FNDC1: variants seen among roughly 807,000 people sequenced by gnomAD.
FNDC1 encodes the protein fibronectin type III domain containing 1.
FNDC1 carries 96 observed loss-of-function variants against 168.0 expected under a neutral mutation model. The observed-to-expected ratio is 0.57, with a 90% CI of 0.48 to 0.68. FNDC1 has a LOEUF of 0.68. Ranked by LOEUF, FNDC1 falls within the 30% of genes least tolerant of loss-of-function variation. The probability of loss-of-function intolerance (pLI) is 0.00; values close to 1 mark genes in which losing one functional copy is unlikely to be tolerated. For missense variants in FNDC1, 2,587 were observed against 2,482.1 expected, an observed-to-expected ratio of 1.04 and a Z score of -0.90; for synonymous variants, 1,099 against 1,025.9, an observed-to-expected ratio of 1.07 and a Z score of -1.36.
At chr6:159,197,410 A>T (rs1189053468) in intron 1 of FNDC1, 21 bp from the exon 2 acceptor site, 1 of 1,581,040 alleles carries the variant, frequency 6.3e-7, no homozygotes, top group Non-Finnish European at 8.6e-7. Context: ...CCATGAGTTG[A>T]TAGTTGCGCT....
intron 4 of FNDC1, among the ~76,000 whole-genome samples, chr6:159,206,208 A>G (rs1308858549): frequency 2.0e-5 from 3 of 152,268 alleles, no homozygotes; most frequent in African/African-American, 4.8e-5. Flanking sequence ...CTTAACATGT[A>G]CCCCAATTCA....
At position 159,197,573 on chromosome 6, in the gene FNDC1, T is replaced by G. The variant is rs747245373; in HGVS notation, c.252T>G (p.Leu84=). Residue 84 remains leucine (L), a synonymous_variant, in exon 2 of 23, where the codon CTT becomes CTG. Coordinates refer to ENST00000297267, the MANE Select transcript of FNDC1 (RefSeq NM_032532.3). ...CCTATGGGAAGTCACTGAAAAGTCT[T>G]AAATACATCAAGGTGAATGCGGAGA... ...NIAYGKSLKS[L]KYIKVNAETY... 1 of 1,613,910 alleles carries G rather than the reference T, an allele frequency of 6.2e-7. No homozygotes were observed. Among genetic ancestry groups the G allele is most frequent in the Non-Finnish European group, 8.5e-7 (1 of 1,179,872 alleles).
chr6:159,222,984 ATTTTTTT>A (rs201310702), intron 6 of FNDC1, among the ~76,000 whole-genome samples: 41 of 116,868 alleles, frequency 3.5e-4, no homozygotes, highest in African/African-American at 9.3e-4. Flanking sequence ...TGAAATACTC[ATTTTTTT>A]TTTTTTTTTT....
At chr6:159,176,196 A>C (rs973074261) in intron 1 of FNDC1, among the ~76,000 whole-genome samples, 1 of 152,212 alleles carries the variant, frequency 6.6e-6, no homozygotes, top group Non-Finnish European at 1.5e-5. Flanking sequence ...TCAGCAAAGC[A>C]AGGGGATTGA....
At position 159,169,620 on chromosome 6, in the gene FNDC1, C is replaced by G. The variant is rs1037381998; in HGVS notation, c.24C>G (p.Thr8=). Residue 8 remains threonine (T), a synonymous_variant, in exon 1 of 23, where the codon ACC becomes ACG. Coordinates refer to ENST00000297267, the MANE Select transcript of FNDC1 (RefSeq NM_032532.3). The surrounding 1 kb of genome is among the most constrained non-coding windows in gnomAD (Gnocchi z 6.8). ...CGATGGCCCCCGAGGCCGGGGCGAC[C>G]CTGCGCGCGCCGCGCCGGCTGTCCT... MAPEAGA[T]LRAPRRLSWA... 2 of 1,135,600 alleles carry G rather than the reference C, an allele frequency of 1.8e-6. No individual in the cohort carries two copies. Among genetic ancestry groups the G allele is most frequent in the South Asian group, 4.0e-5 (1 of 24,964 alleles). 70.3% of individuals were successfully genotyped at this position (1,135,600 alleles called of 1,614,324 possible). A position where few individuals can be genotyped will look rare whatever the true frequency, so the allele number is the denominator to read the frequency against.
intron 19 of FNDC1, among the ~76,000 whole-genome samples, chr6:159,263,799 T>TA (rs1305693405): frequency 6.7e-6 from 1 of 149,700 alleles, no homozygotes; most frequent in Non-Finnish European, 1.5e-5. Flanking sequence ...AAATAAAAAA[T>TA]AAAAAATTAG....
intron 17 of FNDC1, among the ~76,000 whole-genome samples, chr6:159,255,557 A>T (rs2115020069): frequency 6.6e-6 from 1 of 152,324 alleles, no homozygotes; most frequent in South Asian, 2.1e-4. Flanking sequence ...CACTTAGTAT[A>T]ATGTCTGGCA....
At chr6:159,266,387 AT>A in intron 21 of FNDC1, 142 bp downstream of exon 21, 1 of 854,926 alleles carries the variant, frequency 1.2e-6, no homozygotes, top group Non-Finnish European at 1.8e-6. Context: ...ATACAAACCA[AT>A]TTTACAGATT....
At position 159,266,150 on chromosome 6, in the gene FNDC1, G is replaced by A. The variant is rs747207185; in HGVS notation, c.5351G>A (p.Arg1784Gln). Reference protein sequence around the residue: ...HDPSYTDCHGRQYVKRTWYRK... With the variant: ...HDPSYTDCHGQQYVKRTWYRK... ...CCCAGCTACACGGACTGCCATGGAC[G>A]GCAATATGTGAAGCGCACGTGGTAT... Residue 1784 changes from arginine (R) to glutamine (Q), a missense_variant, in exon 21 of 23, where the codon CGG becomes CAG. Physicochemically the swap from Arg to Gln is conservative, Grantham distance 43. Transcript: ENST00000297267. 6 of 1,613,966 alleles carry A rather than the reference G, an allele frequency of 3.7e-6. No individual in the cohort carries two copies. The highest frequency in any genetic ancestry group is 3.4e-6 in the Non-Finnish European group (4 of 1,179,876).
At chr6:159,250,765 C>T (rs1455618564) in intron 16 of FNDC1, among the ~76,000 whole-genome samples, 1 of 152,186 alleles carries the variant, frequency 6.6e-6, no homozygotes, top group Non-Finnish European at 1.5e-5. Context: ...ATGTTGTAGA[C>T]AGTAGTTCAG....
intron 12 of FNDC1, among the ~76,000 whole-genome samples, chr6:159,237,444 C>T (rs1346207432): frequency 6.6e-6 from 1 of 152,144 alleles, no homozygotes; most frequent in African/African-American, 2.4e-5. Flanking sequence ...TTGAGAACCA[C>T]CAGCAAAGAG....
At chr6:159,197,891 A>G (rs563696060) in intron 2 of FNDC1, among the ~76,000 whole-genome samples, 2 of 152,276 alleles carry the variant, frequency 1.3e-5, no homozygotes, top group South Asian at 4.1e-4. Context: ...TTAGTTTCTG[A>G]ATGTGTTTTC....
chr6:159,267,986 G>C (rs1471490417), intron 22 of FNDC1, 60 bp downstream of exon 22: 4 of 1,553,624 alleles, frequency 2.6e-6, no homozygotes, highest in Non-Finnish European at 3.5e-6. Flanking sequence ...GATTAATAGA[G>C]GGGGAAAATC....
At chr6:159,218,869 C>A (rs964193041) in intron 5 of FNDC1, among the ~76,000 whole-genome samples, 3 of 151,990 alleles carry the variant, frequency 2.0e-5, no homozygotes, top group African/African-American at 4.8e-5. Context: ...TGAGAGGGAG[C>A]AAGGGACTTC....
chr6:159,236,448 CT>C, intron 12 of FNDC1, 133 bp downstream of exon 12: 1 of 640,102 alleles, frequency 1.6e-6, no homozygotes, highest in South Asian at 2.1e-5. Context: ...CTTATATGTA[CT>C]TGTATAGAGT....
intron 1 of FNDC1, among the ~76,000 whole-genome samples, chr6:159,184,746 T>C (rs751562324): frequency 6.6e-6 from 1 of 152,208 alleles, no homozygotes; most frequent in Non-Finnish European, 1.5e-5. Flanking sequence ...GAGTGGTTTT[T>C]GGTCTGGCAT....
chr6:159,242,642 T>C (rs1236377824), intron 14 of FNDC1, among the ~76,000 whole-genome samples: 2 of 152,206 alleles, frequency 1.3e-5, no homozygotes, highest in African/African-American at 4.8e-5. Flanking sequence ...TTAGATTCCA[T>C]AATATTTTCA....
At position 159,268,634 on chromosome 6, in the gene FNDC1, C is replaced by G. The variant is rs116529489; in HGVS notation, c.5569+708C>G. ...TATATCTATCTACTCAACTACCTATCTATCCATCTATGTATGTATGTATGT... is the reference window on the plus strand; with the variant it reads ...TATATCTATCTACTCAACTACCTATGTATCCATCTATGTATGTATGTATGT... On this transcript the variant is annotated intron_variant, in intron 22 of 22. Coordinates refer to ENST00000297267, the MANE Select transcript of FNDC1 (RefSeq NM_032532.3). Among the ~76,000 whole-genome samples, 901 of 152,202 alleles carry G rather than the reference C, an allele frequency of 5.9e-3. 4 individuals carry two copies. Among genetic ancestry groups the G allele is most frequent in the African/African-American group, 0.021 (859 of 41,526 alleles).
intron 1 of FNDC1, among the ~76,000 whole-genome samples, chr6:159,196,074 A>G (rs1782235576): frequency 6.6e-6 from 1 of 152,224 alleles, no homozygotes. Flanking sequence ...AGTAACCACT[A>G]TTGCTAATTT....
Sources: allele counts gnomAD v4.1 joint callset (sites outside exome capture counted in the v4.1 genomes callset), GRCh38; gene constraint gnomAD v4.1.1; non-coding constraint Gnocchi (gnomAD v3.1); transcripts MANE v1.5; gene names NCBI Gene and HGNC (gene_info 2026-07-23, HGNC 2026-07-21).